The following RAD51B variants were observed in gnomAD, a reference collection of about 807,000 sequenced individuals.
RAD51B encodes the protein RAD51 paralog B.
In RAD51B, 38 loss-of-function variants were observed where a neutral mutation model predicts 42.2. That is an observed-to-expected ratio of 0.90 (90% confidence interval 0.70 to 1.18). The LOEUF (loss-of-function observed/expected upper bound fraction) is 1.18. RAD51B is among the 50% of genes most tolerant of loss of function. The pLI is 0.00. For missense variants in RAD51B, 373 were observed against 400.7 expected, an observed-to-expected ratio of 0.93 and a Z score of 0.59; for synonymous variants, 154 against 145.2, an observed-to-expected ratio of 1.06 and a Z score of -0.43.
intron 8 of RAD51B, among the ~76,000 whole-genome samples, chr14:68,400,818 T>C (rs1445230626): frequency 6.6e-6 from 1 of 152,256 alleles, no homozygotes; most frequent in Non-Finnish European, 1.5e-5. Flanking sequence ...ATATGTGTTT[T>C]CTGTAATGAG....
At position 68,272,248 on chromosome 14, in the gene RAD51B, C is replaced by A. The variant is rs114824611; in HGVS notation, c.757-19636C>A. 2.7e-3 allele frequency among the ~76,000 whole-genome samples: 406 copies of A among 152,146 alleles called. 2 individuals carry two copies. Among genetic ancestry groups the A allele is most frequent in the African/African-American group, 9.3e-3 (386 of 41,492 alleles). ...ATGTCTCAAGGGTTTCATTGGCTTC[C>A]ACTTCCTTCTGCAGACTTATAGTAA... is the stretch of plus-strand genomic sequence containing the variant. On this transcript the variant is annotated intron_variant, in intron 7 of 10. Transcript: ENST00000471583.
At chr14:68,369,429 T>C (rs921000060) in intron 8 of RAD51B, among the ~76,000 whole-genome samples, 2 of 152,168 alleles carry the variant, frequency 1.3e-5, no homozygotes, top group African/African-American at 4.8e-5. Context: ...CAGGAAGTAG[T>C]ATTGGTGATC....
chr14:67,846,634 C>T (rs1303000128), intron 4 of RAD51B, among the ~76,000 whole-genome samples: 2 of 152,126 alleles, frequency 1.3e-5, no homozygotes, highest in Non-Finnish European at 2.9e-5. Flanking sequence ...ATGATGTAGG[C>T]CCCCTGGAGG....
At chr14:68,065,005 C>G (rs561318587) in intron 7 of RAD51B, among the ~76,000 whole-genome samples, 32 of 152,196 alleles carry the variant, frequency 2.1e-4, no homozygotes, top group African/African-American at 7.2e-4. Flanking sequence ...GGAATTGTGT[C>G]TCATTGGTGG....
At chr14:68,242,474 G>GA (rs1384606739) in intron 7 of RAD51B, among the ~76,000 whole-genome samples, 3 of 152,104 alleles carry the variant, frequency 2.0e-5, no homozygotes, top group Non-Finnish European at 4.4e-5. Flanking sequence ...AAAATTTGTT[G>GA]AAAAAATAAA....
At chr14:68,310,110 A>T (rs1430868187) in intron 8 of RAD51B, among the ~76,000 whole-genome samples, 1 of 152,180 alleles carries the variant, frequency 6.6e-6, no homozygotes, top group African/African-American at 2.4e-5. Context: ...TCAAGGCCTT[A>T]ATAATAAACT....
At chr14:68,641,890 G>A (rs959582920) in intron 10 of RAD51B, among the ~76,000 whole-genome samples, 1 of 149,722 alleles carries the variant, frequency 6.7e-6, no homozygotes, top group African/African-American at 2.5e-5. Flanking sequence ...GCCCATTGAT[G>A]TGATGGATTA....
chr14:68,067,931 C>CAA lies in RAD51B; in HGVS notation c.756+180754_756+180755dup, dbSNP rs913150528. ...TGTCTGACAGAGCGAGACTCCATCT[C>CAA]AAAAAAAAAAAAAAAAAAAAAAAAA... On this transcript the variant is annotated intron_variant, in intron 7 of 10. Transcript: ENST00000471583. 6.8e-3 allele frequency among the ~76,000 whole-genome samples: 168 copies of CAA among 24,680 alleles called. 10 individuals are homozygous for CAA. Among genetic ancestry groups the CAA allele is most frequent in the African/African-American group, 0.013 (114 of 9,046 alleles). The allele number at this position is 24,680 out of a possible 152,430, so 16.2% of individuals were successfully genotyped here. A position where few individuals can be genotyped will look rare whatever the true frequency, so the allele number is the denominator to read the frequency against.
chr14:68,639,938 A>C (rs1347407178), intron 10 of RAD51B, among the ~76,000 whole-genome samples: 7 of 151,960 alleles, frequency 4.6e-5, no homozygotes, highest in Non-Finnish European at 1.0e-4. Flanking sequence ...AGTAGCTGGG[A>C]TTACAGGCGT....
chr14:68,137,778 T>TTGCATGACTGAC (rs1395704973), intron 7 of RAD51B, among the ~76,000 whole-genome samples: 1 of 152,206 alleles, frequency 6.6e-6, no homozygotes, highest in Non-Finnish European at 1.5e-5. Flanking sequence ...GAAGCCCTTT[T>TTGCATGACTGAC]TGCATGACTG....
chr14:68,479,214 C>T (rs754729548), downstream of RAD51B, among the ~76,000 whole-genome samples: 23 of 152,044 alleles, frequency 1.5e-4, no homozygotes, highest in Non-Finnish European at 2.8e-4. Flanking sequence ...GGTGAGTTTT[C>T]GTATTTAATC....
At chr14:68,004,281 T>C (rs895208376) in intron 7 of RAD51B, among the ~76,000 whole-genome samples, 3 of 137,266 alleles carry the variant, frequency 2.2e-5, no homozygotes, top group African/African-American at 5.5e-5. Flanking sequence ...TGCAGTGAGC[T>C]GAGATCGCGC....
intron 7 of RAD51B, among the ~76,000 whole-genome samples, chr14:68,272,568 T>G (rs903742449): frequency 2.1e-5 from 3 of 145,104 alleles, no homozygotes; most frequent in Non-Finnish European, 3.0e-5. Context: ...CAATAATACT[T>G]ATTATTATGT....
chr14:67,982,227 G>T (rs2075107684), intron 7 of RAD51B, among the ~76,000 whole-genome samples: 1 of 152,066 alleles, frequency 6.6e-6, no homozygotes, highest in Non-Finnish European at 1.5e-5. Context: ...AAGCCACCAT[G>T]TCTGGCCCCA....
chr14:68,020,408 C>G (rs1256894905), intron 7 of RAD51B, among the ~76,000 whole-genome samples: 1 of 152,090 alleles, frequency 6.6e-6, no homozygotes, highest in Admixed American at 6.6e-5. Context: ...ATTGCACCAG[C>G]CTCTTTGCTT....
At chr14:68,460,838 T>C (rs2085827125) in intron 9 of RAD51B, among the ~76,000 whole-genome samples, 1 of 152,146 alleles carries the variant, frequency 6.6e-6, no homozygotes, top group African/African-American at 2.4e-5. Flanking sequence ...AAGCCTGCTG[T>C]TTTCTATGGC....
At chr14:68,137,167 T>A (rs1188517967) in intron 7 of RAD51B, among the ~76,000 whole-genome samples, 1 of 152,040 alleles carries the variant, frequency 6.6e-6, no homozygotes, top group Non-Finnish European at 1.5e-5. Context: ...TCCCAGCTAG[T>A]CGGGAGGCTG....
chr14:67,864,799 A>G, intron 4 of RAD51B: 1 of 822,134 alleles, frequency 1.2e-6, no homozygotes, highest in Non-Finnish European at 1.9e-6. Flanking sequence ...ATGGTACATA[A>G]CTAGTGCCAA....
At chr14:67,940,056 T>TATATATATATA (rs1566969343) in intron 7 of RAD51B, among the ~76,000 whole-genome samples, 5 of 8,662 alleles carry the variant, frequency 5.8e-4, no homozygotes, top group Non-Finnish European at 9.5e-4. Flanking sequence ...ATATATATAT[T>TATATATATATA]TTTTTTTTTT....
Sources: allele counts gnomAD v4.1 joint callset (sites outside exome capture counted in the v4.1 genomes callset), GRCh38; gene constraint gnomAD v4.1.1; transcripts MANE v1.5; gene names NCBI Gene and HGNC (gene_info 2026-07-23, HGNC 2026-07-21).